Variants in TXNDC11 observed in about 807,000 individuals in gnomAD.
The protein encoded by TXNDC11 is thioredoxin domain-containing protein 11.
Under a neutral mutation model 78.0 loss-of-function variants are expected in TXNDC11, and 68 were observed. That is an observed-to-expected ratio of 0.87 (90% CI 0.72 to 1.07). The LOEUF is 1.07. TXNDC11 is among the 50% of genes least tolerant of loss of function. The pLI is 0.00. For synonymous variants in TXNDC11, 571 were observed against 495.2 expected (o/e 1.15, Z -2.03); for missense variants, 1,389 against 1,221.8 (o/e 1.14, Z -2.04).
Position 11,679,421 on chromosome 16 carries a change from G to A in TXNDC11, c.2651C>T (p.Ser884Leu), listed in dbSNP as rs1283016844. 11 of 1,613,488 alleles carry A rather than the reference G, an allele frequency of 6.8e-6. No individual in the cohort carries two copies. Among genetic ancestry groups the A allele is most frequent in the Non-Finnish European group, 9.3e-6 (11 of 1,179,882 alleles). Residue 884 changes from serine to leucine, a missense_variant, in exon 12 of 12, where the codon TCA (serine) becomes TTA (leucine). Coordinates refer to ENST00000283033, the MANE Select transcript of TXNDC11 (RefSeq NM_015914.7). This position sits in a 1 kb window ranked among gnomAD's most constrained non-coding sequence, Gnocchi z 4.6. ...CGTGTTCTCGGTAAGGAGGTTTTCTGAGGCATCGGCCAGCTCCTGCAGCTT... is the reference window on the plus strand; with the variant it reads ...CGTGTTCTCGGTAAGGAGGTTTTCTAAGGCATCGGCCAGCTCCTGCAGCTT... Reference protein sequence around the residue: ...ARKLQELADASENLLTENTWL... With the variant: ...ARKLQELADALENLLTENTWL...
intron 7 of TXNDC11, among the ~76,000 whole-genome samples, chr16:11,696,514 T>C (rs981733829): frequency 6.6e-6 from 1 of 152,216 alleles, no homozygotes; most frequent in African/African-American, 2.4e-5. Flanking sequence ...CCCAGCACAG[T>C]GCTCAGTAAA....
intron 6 of TXNDC11, among the ~76,000 whole-genome samples, 187 bp downstream of exon 6, chr16:11,700,265 T>C (rs947914060): frequency 1.3e-5 from 2 of 152,210 alleles, no homozygotes; most frequent in South Asian, 2.1e-4. Flanking sequence ...AGCCCTCTAA[T>C]GCATGGGTTC....
intron 1 of TXNDC11, among the ~76,000 whole-genome samples, chr16:11,740,776 G>C (rs1174395247): frequency 6.6e-6 from 1 of 152,214 alleles, no homozygotes; most frequent in African/African-American, 2.4e-5. Flanking sequence ...CATCACGAAG[G>C]CTGGACTCCT....
At chr16:11,715,425 G>A (rs1019800185) in intron 5 of TXNDC11, among the ~76,000 whole-genome samples, 13 of 147,862 alleles carry the variant, frequency 8.8e-5, no homozygotes, top group African/African-American at 3.0e-4. Context: ...TTACCACTGC[G>A]TTCCAGCCTG....
At chr16:11,725,196 C>A (rs1321334773) in intron 4 of TXNDC11, among the ~76,000 whole-genome samples, 1 of 152,090 alleles carries the variant, frequency 6.6e-6, no homozygotes, top group Non-Finnish European at 1.5e-5. Context: ...AAATTATAGA[C>A]CATACCCTGC....
chr16:11,699,699 C>T (rs1191084223), intron 6 of TXNDC11, among the ~76,000 whole-genome samples: 1 of 152,264 alleles, frequency 6.6e-6, no homozygotes, highest in Admixed American at 6.5e-5. Flanking sequence ...AAGACTTAGA[C>T]ATTGTGCCAA....
chr16:11,706,926 C>A (rs2051197843), intron 5 of TXNDC11, among the ~76,000 whole-genome samples: 1 of 152,036 alleles, frequency 6.6e-6, no homozygotes, highest in Non-Finnish European at 1.5e-5. Flanking sequence ...AAACACAGAT[C>A]CAAAATACAG....
rs2050711675 is a variant in TXNDC11, at chr16:11,691,449, T to C, written c.1741A>G (p.Asn581Asp). ...AAATTTGAATCCAAAAGGTAGATGT[T>C]GAGAGTCTTGTTGGTTCTGCAGCTC... Reference protein sequence around the residue: ...GLSCRTNKTLNIYLLDSNLFW... With the variant: ...GLSCRTNKTLDIYLLDSNLFW... The change falls in exon 8 of 12, where the codon AAC becomes GAC. Residue 581 changes from asparagine to aspartate, a missense_variant. Asn to Asp is a conservative substitution (Grantham distance 23). Transcript: ENST00000283033. The C allele has an allele frequency of 6.2e-7, 1 of 1,610,276 alleles. No individual in the cohort carries two copies. The highest frequency in any genetic ancestry group is 1.3e-5 in the African/African-American group (1 of 74,848).
intron 4 of TXNDC11, among the ~76,000 whole-genome samples, chr16:11,729,997 G>C (rs1213648811): frequency 6.6e-6 from 1 of 152,102 alleles, no homozygotes; most frequent in African/African-American, 2.4e-5. Flanking sequence ...GGGTGGCTGA[G>C]GCACAAGAAG....
At chr16:11,709,259 C>CTTTTTTTTTTTTT (rs60926291) in intron 5 of TXNDC11, among the ~76,000 whole-genome samples, 1 of 142,248 alleles carries the variant, frequency 7.0e-6, no homozygotes, top group African/African-American at 2.6e-5. Context: ...AGCTGTGATT[C>CTTTTTTTTTTTTT]TTTTTTTTTT....
At chr16:11,703,621 C>T (rs1304585397) in intron 5 of TXNDC11, 4 of 697,922 alleles carry the variant, frequency 5.7e-6, no homozygotes. Context: ...CTAGTTCTAT[C>T]TACTGAGAAG....
Position 11,691,791 on chromosome 16 carries a change from C to T in TXNDC11, c.1399G>A (p.Glu467Lys). ...AAAGAATCCAGAGCTGCTGCCATTT[C>T]AAAAAAGCTGCACTGTGGCACGCTG... ...SVSVPQCSFFEMAAALDSFYL... is the reference protein window; with the variant it reads ...SVSVPQCSFFKMAAALDSFYL... Residue 467 changes from glutamate to lysine, a missense_variant, in exon 8 of 12, where the codon GAA becomes AAA. Glu to Lys is a moderately conservative substitution (Grantham distance 56). Coordinates refer to ENST00000283033, the MANE Select transcript of TXNDC11 (RefSeq NM_015914.7). 6.2e-7 allele frequency: 1 copy of T among 1,614,226 alleles called. No individual in the cohort carries two copies. The highest frequency in any genetic ancestry group is 1.1e-5 in the South Asian group (1 of 91,090).
chr16:11,718,234 A>G (rs1488633213), intron 5 of TXNDC11, among the ~76,000 whole-genome samples: 1 of 152,114 alleles, frequency 6.6e-6, no homozygotes, highest in African/African-American at 2.4e-5. Flanking sequence ...AAACAAATGT[A>G]GAACTTTGAA....
In TXNDC11 at chr16:11,688,446, C is replaced by G; in HGVS notation, c.1901-1G>C. On this transcript the variant is annotated splice_acceptor_variant, in intron 8 of 11. Transcript: ENST00000283033. LOFTEE classifies it high-confidence loss of function. ...ACGCTGAAGTTTTGAATAAAAGACT[C>G]TAAAAATAAAGAGAAAATGAGATCA... 6.3e-7 allele frequency: 1 copy of G among 1,598,642 alleles called. No individual in the cohort carries two copies. Among genetic ancestry groups the G allele is most frequent in the Non-Finnish European group, 8.5e-7 (1 of 1,172,412 alleles).
At chr16:11,696,410 G>A (rs974811285) in intron 7 of TXNDC11, among the ~76,000 whole-genome samples, 4 of 152,168 alleles carry the variant, frequency 2.6e-5, no homozygotes, top group East Asian at 3.8e-4. Context: ...CCTCTACTTT[G>A]AATTATAGGC....
chr16:11,710,022 A>T (rs1426297113), intron 5 of TXNDC11, among the ~76,000 whole-genome samples: 1 of 152,162 alleles, frequency 6.6e-6, no homozygotes, highest in Non-Finnish European at 1.5e-5. Context: ...ACATGCCTGT[A>T]ATCCCAGCTA....
At chr16:11,702,123 C>G (rs2051048842) in intron 5 of TXNDC11, among the ~76,000 whole-genome samples, 1 of 147,698 alleles carries the variant, frequency 6.8e-6, no homozygotes. Flanking sequence ...TGTTTTTTCC[C>G]CTACAGGCAC....
chr16:11,698,515 CAA>C (rs2050922099), intron 6 of TXNDC11, among the ~76,000 whole-genome samples, 190 bp from the exon 7 acceptor site: 1 of 152,242 alleles, frequency 6.6e-6, no homozygotes, highest in South Asian at 2.1e-4. Flanking sequence ...GTTGAAAAAA[CAA>C]AAGTGGTTGC....
chr16:11,698,676 A>G (rs758638502), intron 6 of TXNDC11, among the ~76,000 whole-genome samples: 16 of 152,370 alleles, frequency 1.1e-4, no homozygotes, highest in Non-Finnish European at 1.6e-4. Flanking sequence ...GGTATTCATA[A>G]AAGGACCAAG....
Sources: gnomAD v4.1 joint callset for allele counts (sites outside exome capture counted in the v4.1 genomes callset) on GRCh38, gnomAD v4.1.1 for gene constraint, Gnocchi (gnomAD v3.1) non-coding constraint, MANE v1.5 for transcripts, NCBI Gene and HGNC (gene_info 2026-07-23, HGNC 2026-07-21) for gene names.